GLIS3: variants seen among roughly 807,000 people sequenced by gnomAD.
The protein encoded by GLIS3 is GLIS family zinc finger 3.
In GLIS3, 53 loss-of-function variants were observed where a neutral mutation model predicts 78.6. The ratio of observed to expected loss-of-function variants is 0.67; its 90% CI spans 0.54 to 0.85. The LOEUF is 0.85. Among genes scored for constraint, GLIS3 ranks in the 40% least tolerant of loss-of-function variants. The pLI, the probability that GLIS3 is intolerant of heterozygous loss-of-function variation, is 0.00. For missense variants in GLIS3, 1,703 were observed against 1,231.1 expected (o/e 1.38, Z -5.74); for synonymous variants, 684 against 509.9 (o/e 1.34, Z -4.60).
intron 2 of GLIS3, among the ~76,000 whole-genome samples, chr9:4,162,082 G>C (rs1001183482): frequency 3.3e-5 from 5 of 152,036 alleles, no homozygotes; most frequent in Non-Finnish European, 7.4e-5. Flanking sequence ...AGCTTCTGGT[G>C]GTTGCCAGCA....
chr9:3,991,926 G>A (rs1337559152), intron 4 of GLIS3, among the ~76,000 whole-genome samples: 12 of 152,002 alleles, frequency 7.9e-5, no homozygotes, highest in South Asian at 4.1e-4. Context: ...TCCTGACTTC[G>A]TGATCCGCCC....
At chr9:3,993,028 C>T (rs1258173368) in intron 4 of GLIS3, among the ~76,000 whole-genome samples, 1 of 152,158 alleles carries the variant, frequency 6.6e-6, no homozygotes, top group Admixed American at 6.6e-5. Context: ...TCATATCTTT[C>T]CTGGCTTTAC....
intron 6 of GLIS3, 110 bp from the exon 7 acceptor site, chr9:3,898,945 A>G (rs1823079295): frequency 7.3e-7 from 1 of 1,377,324 alleles, no homozygotes; most frequent in Admixed American, 1.8e-5. Flanking sequence ...AAAATTTATC[A>G]AGCAGCAACT....
chr9:4,242,851 T>A (rs1250223736), intron 2 of GLIS3, among the ~76,000 whole-genome samples: 3 of 151,234 alleles, frequency 2.0e-5, no homozygotes, highest in Admixed American at 6.5e-5. Context: ...AATATATTAT[T>A]AATATTAACT....
At chr9:4,223,250 G>T (rs1482224244) in intron 2 of GLIS3, among the ~76,000 whole-genome samples, 1 of 152,158 alleles carries the variant, frequency 6.6e-6, no homozygotes, top group East Asian at 1.9e-4. Flanking sequence ...CCTTGAAGTT[G>T]GAGTAAGAAG....
intron 2 of GLIS3, among the ~76,000 whole-genome samples, chr9:4,320,568 T>C (rs923288219): frequency 6.6e-5 from 10 of 152,014 alleles, no homozygotes; most frequent in African/African-American, 2.4e-4. Flanking sequence ...TGTTTCTCTC[T>C]ATTTCCAACA....
chr9:4,118,156 A>G lies in GLIS3; in HGVS notation c.1322T>C (p.Val441Ala). The part of the protein sequence containing the change: ...ERLEEFPGST[V>A]DLPPAPPLPP... ...GAGCGGAGGCGCGGGGGGTAGGTCT[A>G]CGGTGCTGCCCGGGAACTCCTCCAG... The change falls in exon 4 of 11, where the codon GTA becomes GCA. Residue 441 changes from valine to alanine, a missense_variant. Physicochemically the swap from Val to Ala is moderately conservative, Grantham distance 64. Coordinates refer to ENST00000381971, the MANE Select transcript of GLIS3 (RefSeq NM_001042413.2). This position sits in a 1 kb window ranked among gnomAD's most constrained non-coding sequence, Gnocchi z 4.7. 1 of 1,562,662 alleles carries G rather than the reference A, an allele frequency of 6.4e-7. No individual in the cohort carries two copies. The highest frequency in any genetic ancestry group is 1.2e-5 in the South Asian group (1 of 82,714).
At chr9:4,481,121 G>A in the GLIS3 span, among the ~76,000 whole-genome samples, 1 of 152,098 alleles carries the variant, frequency 6.6e-6, no homozygotes, top group Non-Finnish European at 1.5e-5. Context: ...CTCCCAAAGT[G>A]CTGGGATTAC....
At chr9:4,347,029 G>A (rs1224782802) in intron 2 of GLIS3, 3 of 152,020 alleles carry the variant, frequency 2.0e-5, no homozygotes, top group African/African-American at 7.3e-5. Context: ...TTGCTATAAA[G>A]AAATATCTAA....
chr9:4,187,314 T>A (rs143437670), intron 2 of GLIS3, among the ~76,000 whole-genome samples: 18 of 152,076 alleles, frequency 1.2e-4, no homozygotes, highest in Non-Finnish European at 2.4e-4. Flanking sequence ...GTAGATATGC[T>A]GCGTTATTTC....
chr9:4,201,158 G>T (rs1024950424), intron 2 of GLIS3, among the ~76,000 whole-genome samples: 1 of 152,034 alleles, frequency 6.6e-6, no homozygotes, highest in Non-Finnish European at 1.5e-5. Flanking sequence ...AAAACCTCAA[G>T]AAACTAGGCA....
At chr9:4,331,112 T>C (rs983383758) in intron 2 of GLIS3, among the ~76,000 whole-genome samples, 1 of 122,780 alleles carries the variant, frequency 8.1e-6, no homozygotes, top group Non-Finnish European at 1.9e-5. Flanking sequence ...AGAAATGTAT[T>C]CTGTTACAGT....
chr9:4,104,598 T>C (rs907886127), intron 4 of GLIS3, among the ~76,000 whole-genome samples: 4 of 152,152 alleles, frequency 2.6e-5, no homozygotes, highest in Non-Finnish European at 4.4e-5. Context: ...ATCCTTTCAG[T>C]GGCCTCCAAG....
In GLIS3 at chr9:4,118,421, C is replaced by G; in HGVS notation, c.1057G>C (p.Gly353Arg). ...PQPEVYGHFLGVRGSCIPQPR... is the reference protein window; with the variant it reads ...PQPEVYGHFLRVRGSCIPQPR... The stretch of plus-strand genomic sequence containing the variant: ...TGGGGAATGCAGCTGCCGCGCACGC[C>G]CAGGAAATGCCCGTAGACCTCCGGC... Residue 353 changes from glycine (G) to arginine (R), a missense_variant, in exon 4 of 11, where the codon GGC (glycine) becomes CGC (arginine). Physicochemically the swap from Gly to Arg is moderately radical, Grantham distance 125. Transcript: ENST00000381971. The surrounding 1 kb of genome is among the most constrained non-coding windows in gnomAD (Gnocchi z 4.7). 6.2e-7 allele frequency: 1 copy of G among 1,610,318 alleles called. No individual in the cohort carries two copies. Among genetic ancestry groups the G allele is most frequent in the South Asian group, 1.1e-5 (1 of 91,056 alleles).
rs1821982552 is a variant in GLIS3 at position 3,885,074 on chromosome 9, T to C, written c.2129-5479A>G. On this transcript the variant is annotated intron_variant, in intron 7 of 10. Coordinates refer to ENST00000381971, the MANE Select transcript of GLIS3 (RefSeq NM_001042413.2). ...CAATTCAGCATTGAAGAGAGAAGTT[T>C]TCCAGCTCTGAAAATTACTTCAGGC... Among the ~76,000 whole-genome samples, 8 of 152,340 alleles carry C rather than the reference T, an allele frequency of 5.3e-5. No homozygotes were observed. In the South Asian group the frequency reaches 1.7e-3, roughly 32 times the overall value.
chr9:4,480,223 G>C, the GLIS3 span, among the ~76,000 whole-genome samples: 1 of 35,518 alleles, frequency 2.8e-5, no homozygotes, highest in Admixed American at 3.3e-4. Flanking sequence ...TTTTTTTTTT[G>C]AGATGAAGTC....
At position 4,162,233 on chromosome 9, in the gene GLIS3, T is replaced by C. The variant is rs546773503; in HGVS notation, c.389-36292A>G. Among the ~76,000 whole-genome samples the C allele has an allele frequency of 3.9e-5, 6 of 152,322 alleles. No individual in the cohort carries two copies. In the South Asian group the frequency reaches 1.2e-3, roughly 32 times the overall value. On this transcript the variant is annotated intron_variant, in intron 2 of 10. Transcript: ENST00000381971. ...AAATTTCCTTCTTTTTTTAAGAACA[T>C]CAATTACTGGATTAGATCCCACTCT...
the GLIS3 span, among the ~76,000 whole-genome samples, chr9:4,435,422 C>T: frequency 2.0e-5 from 3 of 152,202 alleles, no homozygotes; most frequent in African/African-American, 7.2e-5. Context: ...CGCTTTTTCA[C>T]TTGCATGTGG....
intron 2 of GLIS3, among the ~76,000 whole-genome samples, chr9:4,327,265 G>A (rs1817615338): frequency 6.6e-6 from 1 of 152,158 alleles, no homozygotes; most frequent in Non-Finnish European, 1.5e-5. Flanking sequence ...AGAGGGAGGT[G>A]GGCATGGCCA....
Sources: gnomAD v4.1 joint callset for allele counts (sites outside exome capture counted in the v4.1 genomes callset) on GRCh38, gnomAD v4.1.1 for gene constraint, Gnocchi (gnomAD v3.1) non-coding constraint, MANE v1.5 for transcripts, NCBI Gene and HGNC (gene_info 2026-07-23, HGNC 2026-07-21) for gene names.